The following WDR3 variants were observed in gnomAD, a reference collection of about 807,000 sequenced individuals.
WDR3 encodes the protein WD repeat-containing protein 3.
A neutral mutation model predicts 123.7 loss-of-function variants in WDR3; 81 were observed. That is an observed-to-expected ratio of 0.65 (90% CI 0.55 to 0.79). The LOEUF (loss-of-function observed/expected upper bound fraction) is 0.79, where lower values mean the gene tolerates loss of function less well. WDR3 is among the 30% of genes least tolerant of loss of function. WDR3 has a pLI of 0.00. For synonymous variants in WDR3, 390 were observed against 388.8 expected, an observed-to-expected ratio of 1.00 and a Z score of -0.04; for missense variants, 1,027 against 1,123.2, an observed-to-expected ratio of 0.91 and a Z score of 1.22.
In WDR3 at chr1:117,952,374, A is replaced by G. The variant is rs1376008575; in HGVS notation, c.1982A>G (p.Asp661Gly). The G allele has an allele frequency of 1.2e-6, 2 of 1,613,414 alleles. No homozygotes were observed. The highest frequency in any genetic ancestry group is 1.7e-6 in the Non-Finnish European group (2 of 1,179,542). The part of the protein sequence containing the change: ...AGKDHKIKQW[D>G]ADKFEHIQTL... ...AAAGATCATAAGATTAAACAGTGGG[A>G]TGCAGACAAATTTGAACACATACAG... The change falls in exon 18 of 27, where the codon GAT becomes GGT. Residue 661 changes from aspartate (D) to glycine (G), a missense_variant. Asp to Gly is a moderately conservative substitution (Grantham distance 94). Transcript: ENST00000349139.
intron 9 of WDR3, 98 bp downstream of exon 9, chr1:117,941,945 A>G: frequency 6.9e-7 from 1 of 1,446,252 alleles, no homozygotes; most frequent in Non-Finnish European, 9.0e-7. Context: ...CTGTCTTATC[A>G]ATTACCATTA....
Position 117,934,659 on chromosome 1 carries a change from G to A in WDR3, c.358G>A (p.Gly120Ser). Reference sequence around the variant, plus strand: ...TACCTTGAAGTATGATCAGCTAGGAGGCAGACTGGCATCTGGGTCCAAGGT... The same window carrying A: ...TACCTTGAAGTATGATCAGCTAGGAAGCAGACTGGCATCTGGGTCCAAGGT... ...ITTLKYDQLG[G>S]RLASGSKDTD... Residue 120 changes from glycine (G) to serine (S), a missense_variant, in exon 3 of 27, where the codon GGC becomes AGC. By Grantham distance (56) the Gly-to-Ser change is moderately conservative (BLOSUM62 0). Transcript: ENST00000349139. The A allele has an allele frequency of 1.2e-6, 2 of 1,613,558 alleles. No individual in the cohort carries two copies. Among genetic ancestry groups the A allele is most frequent in the Admixed American group, 1.7e-5 (1 of 60,028 alleles).
chr1:117,941,508 G>A (rs1651171954), intron 8 of WDR3, among the ~76,000 whole-genome samples: 1 of 152,088 alleles, frequency 6.6e-6, no homozygotes, highest in Non-Finnish European at 1.5e-5. Flanking sequence ...TTTATTAAAT[G>A]CTTGCTCTTC....
intron 19 of WDR3, 70 bp downstream of exon 19, chr1:117,952,732 T>C: frequency 6.4e-7 from 1 of 1,571,846 alleles, no homozygotes; most frequent in Non-Finnish European, 8.6e-7. Flanking sequence ...TGAAGTTTTC[T>C]GTCTAGTGCA....
intron 10 of WDR3, among the ~76,000 whole-genome samples, chr1:117,943,022 G>A (rs770412702): frequency 4.0e-5 from 6 of 151,178 alleles, no homozygotes; most frequent in South Asian, 4.2e-4. Flanking sequence ...GCATGATCTC[G>A]GCTCAGTGCA....
chr1:117,943,487 T>C lies in WDR3; in HGVS notation c.1189T>C (p.Ser397Pro). 1.2e-6 allele frequency: 2 copies of C among 1,614,116 alleles called. No homozygotes were observed. The highest frequency in any genetic ancestry group is 1.7e-6 in the Non-Finnish European group (2 of 1,180,028). Residue 397 changes from serine (S) to proline (P), a missense_variant, in exon 11 of 27, where the codon TCC becomes CCC. By Grantham distance (74) the Ser-to-Pro change is moderately conservative. Transcript: ENST00000349139. ...GGTGGAATTGTATTCACTGAATCCATCCTTGCCTACTCCTCAGCCTGTCAG... is the reference window on the plus strand; with the variant it reads ...GGTGGAATTGTATTCACTGAATCCACCCTTGCCTACTCCTCAGCCTGTCAG... ...NLVELYSLNP[S>P]LPTPQPVRTS... is the part of the protein sequence containing the mutation.
rs966481656 is a variant in WDR3, at chr1:117,961,609, G to A, written c.*2162G>A. 1 of 152,182 alleles carries A rather than the reference G, an allele frequency of 6.6e-6. No individual in the cohort carries two copies. Among genetic ancestry groups the A allele is most frequent in the East Asian group, 1.9e-4 (1 of 5,198 alleles). 9.4% of individuals were successfully genotyped at this position (152,182 alleles called of 1,614,324 possible). A position where few individuals can be genotyped will look rare whatever the true frequency, so the allele number is the denominator to read the frequency against. Reference sequence around the variant, plus strand: ...TTGGTCATTGCAACCAAGTTACTGTGTTGTGGGGCCACCATTTTCTTCTAG... The same window carrying A: ...TTGGTCATTGCAACCAAGTTACTGTATTGTGGGGCCACCATTTTCTTCTAG... On this transcript the variant is annotated 3_prime_UTR_variant, in exon 27 of 27. Coordinates refer to ENST00000349139, the MANE Select transcript of WDR3 (RefSeq NM_006784.3).
At chr1:117,937,788 A>G (rs927679292) in intron 4 of WDR3, among the ~76,000 whole-genome samples, 3 of 152,166 alleles carry the variant, frequency 2.0e-5, no homozygotes, top group African/African-American at 7.2e-5. Flanking sequence ...GAGCAGGAGT[A>G]GTAGAGGCCA....
chr1:117,955,997 A>G (rs963032797), intron 24 of WDR3, among the ~76,000 whole-genome samples: 1 of 152,182 alleles, frequency 6.6e-6, no homozygotes, highest in African/African-American at 2.4e-5. Context: ...GGGTGATTAT[A>G]CTGATTTTTA....
In WDR3 at chr1:117,966,357, T is replaced by A. The variant is rs1373027652; in HGVS notation, c.*6910T>A. 6.1e-6 allele frequency: 2 copies of A among 326,756 alleles called. No individual in the cohort carries two copies. The highest frequency in any genetic ancestry group is 1.1e-5 in the Non-Finnish European group (2 of 181,900). 20.2% of individuals were successfully genotyped at this position (326,756 alleles called of 1,614,324 possible). A position where few individuals can be genotyped will look rare whatever the true frequency, so the allele number is the denominator to read the frequency against. The stretch of plus-strand genomic sequence containing the variant: ...GCTGTTTTATTATTCTGTCTGATAT[T>A]CCGTAGATAGCCAATAACATTTACA... On this transcript the variant is annotated 3_prime_UTR_variant, in exon 27 of 27. Coordinates refer to ENST00000349139, the MANE Select transcript of WDR3 (RefSeq NM_006784.3).
Position 117,948,364 on chromosome 1 carries a change from C to A in WDR3, c.1423-41C>A, listed in dbSNP as rs74114919. 1.4e-4 allele frequency: 221 copies of A among 1,554,770 alleles called. 2 individuals are homozygous for A. In the East Asian group the frequency reaches 2.0e-3, roughly 14 times the overall value. ...GCAGTCATGAATCATGGAGGTTGTA[C>A]GTATGTTCATTGGAGCTGTGCTCAT... On this transcript the variant is annotated intron_variant, in intron 12 of 26. Coordinates refer to ENST00000349139, the MANE Select transcript of WDR3 (RefSeq NM_006784.3).
chr1:117,953,746 G>C (rs939555090), intron 21 of WDR3: 19 of 618,924 alleles, frequency 3.1e-5, no homozygotes, highest in Admixed American at 1.5e-4. Context: ...GCTCCTTTCA[G>C]GTGTTCCTGG....
chr1:117,950,527 G>A (rs1651571760), intron 15 of WDR3, among the ~76,000 whole-genome samples: 1 of 152,040 alleles, frequency 6.6e-6, no homozygotes, highest in South Asian at 2.1e-4. Context: ...GGTTGGGCCT[G>A]GGAAATTTTT....
rs1651267461 is a variant in WDR3 at position 117,943,715 on chromosome 1, T to G, written c.1328+89T>G. The G allele has an allele frequency of 4.5e-6, 5 of 1,118,494 alleles. No homozygotes were observed. In the East Asian group the frequency reaches 1.2e-4, roughly 28 times the overall value. 69.3% of individuals were successfully genotyped at this position (1,118,494 alleles called of 1,614,324 possible). A position where few individuals can be genotyped will look rare whatever the true frequency, so the allele number is the denominator to read the frequency against. On this transcript the variant is annotated intron_variant, in intron 11 of 26. Transcript: ENST00000349139. ...TCTTAAGGGTTAGTTATTAACTCCT[T>G]AAGGCCCTAAATACAATTATCTTTA...
chr1:117,957,557 GT>G (rs1398387286), intron 25 of WDR3, among the ~76,000 whole-genome samples: 1 of 152,218 alleles, frequency 6.6e-6, no homozygotes, highest in African/African-American at 2.4e-5. Flanking sequence ...TGATTGGCCA[GT>G]TTGCCTCATT....
intron 6 of WDR3, 85 bp from the exon 7 acceptor site, chr1:117,940,742 A>G: frequency 2.4e-6 from 3 of 1,266,254 alleles, no homozygotes; most frequent in Non-Finnish European, 1.1e-6. Flanking sequence ...AACAACAACA[A>G]CAACAACAAA....
intron 1 of WDR3, among the ~76,000 whole-genome samples, chr1:117,931,590 C>A (rs1650736822): frequency 6.6e-6 from 1 of 152,070 alleles, no homozygotes; most frequent in African/African-American, 2.4e-5. Context: ...AATTAGTATT[C>A]ATGTAGGTGG....
chr1:117,957,045 T>C (rs746002658), intron 24 of WDR3, 23 bp from the exon 25 acceptor site: 226 of 1,537,694 alleles, frequency 1.5e-4, no homozygotes, highest in Non-Finnish European at 1.9e-4. Flanking sequence ...GTGGCATTTT[T>C]ATATTTATTT....
chr1:117,942,261 A>G (rs1350281227), intron 9 of WDR3, among the ~76,000 whole-genome samples, 176 bp from the exon 10 acceptor site: 1 of 152,222 alleles, frequency 6.6e-6, no homozygotes, highest in Non-Finnish European at 1.5e-5. Flanking sequence ...ATTGTAGTGT[A>G]CAAAGCATTT....
Sources: gnomAD v4.1 joint callset for allele counts (sites outside exome capture counted in the v4.1 genomes callset) on GRCh38, gnomAD v4.1.1 for gene constraint, MANE v1.5 for transcripts, NCBI Gene and HGNC (gene_info 2026-07-23, HGNC 2026-07-21) for gene names.